CALU: variants seen among roughly 807,000 people sequenced by gnomAD.
CALU encodes the protein calumenin.
CALU carries 13 observed loss-of-function variants against 37.5 expected under a neutral mutation model. The observed-to-expected ratio is 0.35, with a 90% CI of 0.23 to 0.55. CALU has a LOEUF of 0.55. Among genes scored for constraint, CALU ranks in the 20% least tolerant of loss-of-function variants. The pLI, the probability that CALU is intolerant of heterozygous loss-of-function variation, is 0.89. For synonymous variants in CALU, 114 were observed against 133.8 expected, an observed-to-expected ratio of 0.85 and a Z score of 1.02; for missense variants, 282 against 391.7, an observed-to-expected ratio of 0.72 and a Z score of 2.36.
At chr7:128,766,374 A>AT (rs769724366) in intron 5 of CALU, among the ~76,000 whole-genome samples, 21 of 144,894 alleles carry the variant, frequency 1.4e-4, no homozygotes, top group East Asian at 4.2e-4. Context: ...GAATTTATTC[A>AT]TTTTTTTTCA....
In CALU at chr7:128,772,068, T is replaced by TG. The variant is rs918596435; in HGVS notation, c.*2901_*2902insG. ...GGGGCCACTGAGTTTTTTTTGTTTTTTTTTTTGTTTTGTTTTGTTTTTTCT... is the reference window on the plus strand; with the variant it reads ...GGGGCCACTGAGTTTTTTTTGTTTTTGTTTTTTGTTTTGTTTTGTTTTTTCT... On this transcript the variant is annotated 3_prime_UTR_variant, in exon 7 of 7. Coordinates refer to ENST00000249364, the MANE Select transcript of CALU (RefSeq NM_001219.5). Among the ~76,000 whole-genome samples, 64 of 76,958 alleles carry TG rather than the reference T, an allele frequency of 8.3e-4. No homozygotes were observed. Among genetic ancestry groups the TG allele is most frequent in the African/African-American group, 2.3e-3 (64 of 28,298 alleles). The allele number at this position is 76,958 out of a possible 152,430, so 50.5% of individuals were successfully genotyped here.
chr7:128,745,687 A>C (rs1023975907), intron 1 of CALU, among the ~76,000 whole-genome samples: 5 of 152,314 alleles, frequency 3.3e-5, no homozygotes, highest in Non-Finnish European at 7.4e-5. Flanking sequence ...TTGTATTTAT[A>C]GAGCCGCTAA....
chr7:128,751,317 A>G (rs897709504), intron 2 of CALU, among the ~76,000 whole-genome samples: 7 of 151,428 alleles, frequency 4.6e-5, no homozygotes, highest in Non-Finnish European at 8.8e-5. Context: ...TCCTTGATAT[A>G]TTTACTATAG....
chr7:128,747,835 C>T (rs1021932927), intron 1 of CALU: 1 of 152,256 alleles, frequency 6.6e-6, no homozygotes, highest in African/African-American at 2.4e-5. Flanking sequence ...GAATCAGGGC[C>T]TGGGAATCTG....
At chr7:128,758,041 G>A (rs1023387191) in intron 3 of CALU, among the ~76,000 whole-genome samples, 1 of 151,808 alleles carries the variant, frequency 6.6e-6, no homozygotes, top group African/African-American at 2.4e-5. Flanking sequence ...ACGATAATGA[G>A]CATATCCATT....
Position 128,757,358 on chromosome 7 carries a change from A to AGTGTGTGTGTGT in CALU, c.416-1490_416-1479dup, listed in dbSNP as rs10638444. On this transcript the variant is annotated intron_variant, in intron 3 of 6. Transcript: ENST00000249364. ...TCCATCTCAACCTATTATGGCTTTG[A>AGTGTGTGTGTGT]GTGTGTGTGTGTGTGTGTGTGTGTG... Among the ~76,000 whole-genome samples, 591 of 146,172 alleles carry AGTGTGTGTGTGT rather than the reference A, an allele frequency of 4.0e-3. 5 individuals carry two copies. Among genetic ancestry groups the AGTGTGTGTGTGT allele is most frequent in the African/African-American group, 0.012 (496 of 39,700 alleles).
chr7:128,746,299 A>C (rs183586551), intron 1 of CALU, among the ~76,000 whole-genome samples: 166 of 152,098 alleles, frequency 1.1e-3, no homozygotes, highest in African/African-American at 3.8e-3. Flanking sequence ...CTGGGACTAC[A>C]GGCGTGTGCC....
intron 5 of CALU, among the ~76,000 whole-genome samples, chr7:128,766,011 C>T (rs1316708202): frequency 1.3e-5 from 2 of 152,206 alleles, no homozygotes; most frequent in Non-Finnish European, 2.9e-5. Context: ...GGCTGTAGTA[C>T]ACAGGCACGG....
rs189337622 is a variant in CALU at position 128,750,097 on chromosome 7, G to A, written c.221+1293G>A. Among the ~76,000 whole-genome samples the A allele has an allele frequency of 2.4e-3, 366 of 151,786 alleles. 1 individual carries two copies. The highest frequency in any genetic ancestry group is 8.2e-3 in the African/African-American group (339 of 41,382). On this transcript the variant is annotated intron_variant, in intron 2 of 6. Transcript: ENST00000249364. ...AAAAAAATTAGCCGGGCGTGGTGGCGCGTGCCTGTAGTCCCAGCTACTTGG... is the reference window on the plus strand; with the variant it reads ...AAAAAAATTAGCCGGGCGTGGTGGCACGTGCCTGTAGTCCCAGCTACTTGG...
At chr7:128,754,525 G>A (rs1800794373) in intron 3 of CALU, 70 bp downstream of exon 3, 2 of 1,580,902 alleles carry the variant, frequency 1.3e-6, no homozygotes, top group Non-Finnish European at 1.7e-6. Flanking sequence ...GTTTTGTCTT[G>A]TAGAATGATT....
intron 2 of CALU, among the ~76,000 whole-genome samples, chr7:128,750,299 A>G (rs1262021636): frequency 2.6e-5 from 4 of 152,032 alleles, no homozygotes; most frequent in African/African-American, 9.7e-5. Context: ...AATATTGTGC[A>G]CGTCCAACCC....
At chr7:128,760,764 C>T (rs541335756) in intron 5 of CALU, among the ~76,000 whole-genome samples, 18 of 152,226 alleles carry the variant, frequency 1.2e-4, no homozygotes, top group African/African-American at 3.6e-4. Flanking sequence ...AAAAATTAGC[C>T]GGGTGTAGTG....
intron 4 of CALU, 145 bp from the exon 5 acceptor site, chr7:128,759,647 A>C (rs933617957): frequency 2.4e-5 from 14 of 579,280 alleles, no homozygotes; most frequent in Non-Finnish European, 4.0e-5. Flanking sequence ...CCATACAGAC[A>C]CACATGCATA....
chr7:128,748,339 A>G (rs1478998940), intron 1 of CALU: 2 of 1,486,388 alleles, frequency 1.3e-6, no homozygotes, highest in African/African-American at 1.4e-5. Flanking sequence ...TAAGTTTCTT[A>G]TCAGCCTACA....
chr7:128,744,278 T>G (rs572249594), intron 1 of CALU, among the ~76,000 whole-genome samples: 1 of 152,286 alleles, frequency 6.6e-6, no homozygotes, highest in African/African-American at 2.4e-5. Context: ...ACTGTTCCTT[T>G]CACATCTTCC....
rs772232105 is a variant in CALU at position 128,767,502 on chromosome 7, A to G, written c.690A>G (p.Val230=). 1 of 1,614,120 alleles carries G rather than the reference A, an allele frequency of 6.2e-7. No individual in the cohort carries two copies. The highest frequency in any genetic ancestry group is 8.5e-7 in the Non-Finnish European group (1 of 1,179,942). Reference sequence around the variant, plus strand: ...GGAATACTGATGAGCCAGAATGGGTAAAGACAGAGCGAGAGCAGTTTGTTG... The same window carrying G: ...GGAATACTGATGAGCCAGAATGGGTGAAGACAGAGCGAGAGCAGTTTGTTG... ...HDGNTDEPEW[V]KTEREQFVEF... Residue 230 remains valine (V), a synonymous_variant, in exon 6 of 7, where the codon GTA becomes GTG. Coordinates refer to ENST00000249364, the MANE Select transcript of CALU (RefSeq NM_001219.5).
At chr7:128,758,045 A>G (rs544412572) in intron 3 of CALU, among the ~76,000 whole-genome samples, 91 of 152,114 alleles carry the variant, frequency 6.0e-4, no homozygotes, top group African/African-American at 1.1e-3. Flanking sequence ...TAATGAGCAT[A>G]TCCATTACCC....
rs1800535255 is a variant in CALU, at chr7:128,748,577, A to G, written c.-7A>G. ...CTGCTTTTCATTTTCTTCAAGATCT[A>G]ATTATCATGGACCTGCGACAGTTTC... is the stretch of plus-strand genomic sequence containing the variant. On this transcript the variant is annotated 5_prime_UTR_variant, in exon 2 of 7. Coordinates refer to ENST00000249364, the MANE Select transcript of CALU (RefSeq NM_001219.5). 1 of 1,610,124 alleles carries G rather than the reference A, an allele frequency of 6.2e-7. No homozygotes were observed. Among genetic ancestry groups the G allele is most frequent in the Non-Finnish European group, 8.5e-7 (1 of 1,177,428 alleles).
chr7:128,742,439 T>TG (rs1800274506), intron 1 of CALU, among the ~76,000 whole-genome samples: 1 of 152,236 alleles, frequency 6.6e-6, no homozygotes, highest in Non-Finnish European at 1.5e-5. Context: ...CATTGAGCAA[T>TG]GGGTCTTTGG....
Sources: allele counts gnomAD v4.1 joint callset (sites outside exome capture counted in the v4.1 genomes callset), GRCh38; gene constraint gnomAD v4.1.1; transcripts MANE v1.5; gene names NCBI Gene and HGNC (gene_info 2026-07-23, HGNC 2026-07-21).